Variants in RBFOX1 observed in about 807,000 individuals in gnomAD.
RBFOX1 encodes the protein RNA binding protein fox-1 homolog 1.
RBFOX1 carries 8 observed loss-of-function variants against 57.7 expected under a neutral mutation model. The ratio of observed to expected loss-of-function variants is 0.14; its 90% CI spans 0.08 to 0.25. The LOEUF is 0.25. RBFOX1 is among the 10% of genes least tolerant of loss of function. The pLI is 1.00. For missense variants in RBFOX1, 611 were observed against 548.5 expected (o/e 1.11, Z -1.14); for synonymous variants, 326 against 222.4 (o/e 1.47, Z -4.15).
rs542850002 is a variant in RBFOX1, at chr16:7,132,214, C to G, written c.27+80116C>G. On this transcript the variant is annotated intron_variant, in intron 4 of 15. Coordinates refer to ENST00000550418, the MANE Select transcript of RBFOX1 (RefSeq NM_018723.4). ...CAGGCTGGCCTCAAACTCCTGACTTCGACTGATCTGCCTGTCTCGGCCTCC... is the reference window on the plus strand; with the variant it reads ...CAGGCTGGCCTCAAACTCCTGACTTGGACTGATCTGCCTGTCTCGGCCTCC... 1.4e-4 allele frequency among the ~76,000 whole-genome samples: 22 copies of G among 152,112 alleles called. No homozygotes were observed. In the South Asian group the frequency reaches 4.6e-3, roughly 32 times the overall value.
chr16:5,533,227 T>G (rs1452812226), intron 2 of RBFOX1, among the ~76,000 whole-genome samples: 1 of 152,218 alleles, frequency 6.6e-6, no homozygotes, highest in East Asian at 1.9e-4. Flanking sequence ...TTTTGGAATT[T>G]GTGCGCCAAG....
intron 1 of RBFOX1, among the ~76,000 whole-genome samples, chr16:5,424,866 C>CTT (rs555116497): frequency 7.4e-6 from 1 of 134,952 alleles, no homozygotes; most frequent in African/African-American, 2.9e-5. Flanking sequence ...TCTCTTCTTT[C>CTT]TTTCTTTTTT....
intron 3 of RBFOX1, among the ~76,000 whole-genome samples, chr16:7,030,887 A>G (rs1290467164): frequency 6.6e-6 from 1 of 152,228 alleles, no homozygotes. Context: ...GGATAGGGAA[A>G]TGAATCCAAT....
intron 1 of RBFOX1, among the ~76,000 whole-genome samples, chr16:6,225,962 C>G (rs998748747): frequency 6.6e-6 from 1 of 152,182 alleles, no homozygotes; most frequent in African/African-American, 2.4e-5. Context: ...CAATCTTTTT[C>G]TAGGATTCTT....
chr16:6,602,433 G>A (rs2097864132), intron 2 of RBFOX1, among the ~76,000 whole-genome samples: 1 of 152,158 alleles, frequency 6.6e-6, no homozygotes, highest in Non-Finnish European at 1.5e-5. Flanking sequence ...TCTCTCTAGA[G>A]CAAGAAGGGA....
At chr16:7,200,509 C>T (rs1385573821) in intron 4 of RBFOX1, among the ~76,000 whole-genome samples, 5 of 152,166 alleles carry the variant, frequency 3.3e-5, no homozygotes, top group African/African-American at 1.2e-4. Context: ...TTGCAATATA[C>T]CCCACAGACA....
intron 1 of RBFOX1, among the ~76,000 whole-genome samples, chr16:5,242,931 A>C (rs1054642664): frequency 2.1e-5 from 3 of 145,386 alleles, no homozygotes; most frequent in African/African-American, 7.6e-5. Flanking sequence ...GGCCCCCAGG[A>C]GCCCCTGAGT....
intron 4 of RBFOX1, among the ~76,000 whole-genome samples, chr16:7,404,836 C>G (rs1013140523): frequency 5.9e-5 from 9 of 152,154 alleles, no homozygotes; most frequent in African/African-American, 2.2e-4. Context: ...CAGATGTGGG[C>G]TCTCCTGGAA....
intron 4 of RBFOX1, among the ~76,000 whole-genome samples, chr16:7,433,266 G>T (rs1479692035): frequency 6.6e-6 from 1 of 152,154 alleles, no homozygotes; most frequent in Non-Finnish European, 1.5e-5. Flanking sequence ...GGCAGAGACG[G>T]TGAGTAAGGG....
intron 3 of RBFOX1, among the ~76,000 whole-genome samples, chr16:7,051,329 CTA>C (rs2049998360): frequency 6.6e-6 from 1 of 152,184 alleles, no homozygotes; most frequent in Non-Finnish European, 1.5e-5. Flanking sequence ...CTTAACCCAC[CTA>C]TGTTTTCTTG....
intron 3 of RBFOX1, among the ~76,000 whole-genome samples, chr16:5,822,649 A>C (rs2055896368): frequency 1.3e-5 from 2 of 152,168 alleles, no homozygotes; most frequent in Admixed American, 1.3e-4. Context: ...ATGCTGCTAC[A>C]AGAATTACGG....
At chr16:5,755,439 G>C (rs549508797) in intron 3 of RBFOX1, among the ~76,000 whole-genome samples, 1 of 152,296 alleles carries the variant, frequency 6.6e-6, no homozygotes, top group South Asian at 2.1e-4. Context: ...GGTTCACACT[G>C]ATCTTCCTGA....
At chr16:5,994,419 C>A (rs1378667880) in intron 4 of RBFOX1, among the ~76,000 whole-genome samples, 1 of 152,174 alleles carries the variant, frequency 6.6e-6, no homozygotes, top group African/African-American at 2.4e-5. Flanking sequence ...GCTTTGGCTT[C>A]CCAAAGTGCT....
At chr16:6,665,533 G>C (rs2098726672) in intron 3 of RBFOX1, among the ~76,000 whole-genome samples, 2 of 151,872 alleles carry the variant, frequency 1.3e-5, no homozygotes, top group Non-Finnish European at 2.9e-5. Flanking sequence ...GCTGAGGTAG[G>C]AGAATCACTT....
intron 2 of RBFOX1, among the ~76,000 whole-genome samples, chr16:5,549,929 G>C (rs767116467): frequency 6.6e-6 from 1 of 152,082 alleles, no homozygotes; most frequent in Admixed American, 6.5e-5. Flanking sequence ...TGAGGTTGCT[G>C]GTAGATGTTT....
rs139363406 is a variant in RBFOX1 at position 5,985,531 on chromosome 16, C to T, written c.351+118196C>T. 4.1e-3 allele frequency among the ~76,000 whole-genome samples: 619 copies of T among 152,272 alleles called. 3 individuals carry two copies. The highest frequency in any genetic ancestry group is 7.0e-3 in the Non-Finnish European group (475 of 68,028). Reference sequence around the variant, plus strand: ...GTTGGTGTAAAAGTAATTACTTTTGCACCCATCTAATAGCAGAGGGAAGGT... The same window carrying T: ...GTTGGTGTAAAAGTAATTACTTTTGTACCCATCTAATAGCAGAGGGAAGGT... On this transcript the variant is annotated intron_variant, in intron 4 of 19. Coordinates refer to the RBFOX1 transcript ENST00000641259.
chr16:7,296,035 A>G (rs997086869), intron 4 of RBFOX1, among the ~76,000 whole-genome samples: 6 of 151,798 alleles, frequency 4.0e-5, no homozygotes, highest in Admixed American at 1.3e-4. Context: ...ATAGCTAACA[A>G]GTATTGTTGA....
chr16:5,707,252 T>C (rs541549073), intron 3 of RBFOX1, among the ~76,000 whole-genome samples: 5 of 152,346 alleles, frequency 3.3e-5, no homozygotes, highest in African/African-American at 1.2e-4. Flanking sequence ...AGGAAATGTG[T>C]GCAATTGGAA....
chr16:5,974,821 C>G (rs2060030166), intron 4 of RBFOX1, among the ~76,000 whole-genome samples: 1 of 151,904 alleles, frequency 6.6e-6, no homozygotes, highest in South Asian at 2.1e-4. Flanking sequence ...CCAGCCTGAC[C>G]AACATGGAGA....
Sources: allele counts gnomAD v4.1 joint callset (sites outside exome capture counted in the v4.1 genomes callset), GRCh38; gene constraint gnomAD v4.1.1; transcripts MANE v1.5; gene names NCBI Gene and HGNC (gene_info 2026-07-23, HGNC 2026-07-21).